RAD18: variants seen among roughly 807,000 people sequenced by gnomAD.
RAD18 encodes the protein RAD18 E3 ubiquitin protein ligase.
Under a neutral mutation model 60.4 loss-of-function variants are expected in RAD18, and 47 were observed. That is an observed-to-expected ratio of 0.78 (90% CI 0.62 to 0.99). The LOEUF is 0.99. RAD18 is among the 50% of genes least tolerant of loss of function. The pLI, the probability that RAD18 is intolerant of heterozygous loss-of-function variation, is 0.00. For missense variants in RAD18, 640 were observed against 593.3 expected (o/e 1.08, Z -0.82); for synonymous variants, 225 against 195.5 (o/e 1.15, Z -1.26).
chr3:8,926,995 A>G (rs1367327376), intron 7 of RAD18, among the ~76,000 whole-genome samples: 2 of 152,134 alleles, frequency 1.3e-5, no homozygotes, highest in Admixed American at 1.3e-4. Flanking sequence ...GGACATAGGC[A>G]TGGGCAAGGA....
At chr3:8,888,821 A>T (rs1274155792) in intron 12 of RAD18, among the ~76,000 whole-genome samples, 7 of 152,170 alleles carry the variant, frequency 4.6e-5, no homozygotes, top group Non-Finnish European at 4.4e-5. Flanking sequence ...AAAAACTGAA[A>T]TGATAGGATT....
At chr3:8,885,935 G>A (rs1360172270) in intron 12 of RAD18, among the ~76,000 whole-genome samples, 10 of 152,198 alleles carry the variant, frequency 6.6e-5, no homozygotes, top group Admixed American at 6.5e-4. Context: ...ATGGTCAGTG[G>A]TCTCTTATCA....
At chr3:8,957,154 T>C (rs1382224328) in intron 2 of RAD18, among the ~76,000 whole-genome samples, 1 of 152,154 alleles carries the variant, frequency 6.6e-6, no homozygotes, top group Admixed American at 6.5e-5. Flanking sequence ...GTCTGTGCAA[T>C]GAAAATCAAA....
At chr3:8,937,711 G>C (rs979023031) in intron 6 of RAD18, among the ~76,000 whole-genome samples, 21 of 152,214 alleles carry the variant, frequency 1.4e-4, no homozygotes, top group African/African-American at 4.8e-4. Flanking sequence ...AGAAAGGCTT[G>C]GCGGTCAAAT....
intron 4 of RAD18, among the ~76,000 whole-genome samples, chr3:8,945,688 T>G (rs1940828546): frequency 6.6e-6 from 1 of 152,030 alleles, no homozygotes; most frequent in South Asian, 2.1e-4. Context: ...GCCAGGATGG[T>G]CTCGATCTCC....
intron 11 of RAD18, among the ~76,000 whole-genome samples, chr3:8,898,443 T>C (rs1182565911): frequency 6.6e-6 from 1 of 152,042 alleles, no homozygotes; most frequent in Non-Finnish European, 1.5e-5. Flanking sequence ...TTTTAAAATA[T>C]CTTTTCAAAA....
intron 9 of RAD18, among the ~76,000 whole-genome samples, chr3:8,911,235 T>C (rs149017556): frequency 2.0e-3 from 309 of 152,338 alleles, no homozygotes; most frequent in Non-Finnish European, 3.2e-3. Flanking sequence ...GGGCAATGAA[T>C]ATTTACTTGA....
intron 4 of RAD18, among the ~76,000 whole-genome samples, chr3:8,942,909 T>C (rs1428833665): frequency 6.6e-6 from 1 of 152,176 alleles, no homozygotes; most frequent in Admixed American, 6.5e-5. Flanking sequence ...TGCTGGAAAG[T>C]TAGTTGTTCG....
intron 6 of RAD18, among the ~76,000 whole-genome samples, chr3:8,937,968 G>C (rs929690043): frequency 1.3e-5 from 2 of 152,166 alleles, no homozygotes; most frequent in Non-Finnish European, 2.9e-5. Context: ...AAATGTATTC[G>C]AACTGATGGA....
Position 8,963,466 on chromosome 3 carries a change from G to T in RAD18, c.-81C>A. The stretch of plus-strand genomic sequence containing the variant: ...ACCACTCGAAATTCCCCGCGCTACC[G>T]CATTACGTCAGCAGCCCGCGACGCG... On this transcript the variant is annotated 5_prime_UTR_variant, in exon 1 of 13. Coordinates refer to ENST00000264926, the MANE Select transcript of RAD18 (RefSeq NM_020165.4). The T allele has an allele frequency of 7.5e-7, 1 of 1,339,642 alleles. No homozygotes were observed. Among genetic ancestry groups the T allele is most frequent in the Non-Finnish European group, 1.0e-6 (1 of 972,464 alleles). 83.0% of individuals were successfully genotyped at this position (1,339,642 alleles called of 1,614,324 possible).
chr3:8,892,202 T>C (rs1221752445), intron 11 of RAD18, among the ~76,000 whole-genome samples: 2 of 152,200 alleles, frequency 1.3e-5, no homozygotes, highest in African/African-American at 4.8e-5. Flanking sequence ...CTTTAAAGTC[T>C]AGAACGAGGA....
chr3:8,933,312 G>C (rs2125063947), intron 7 of RAD18, among the ~76,000 whole-genome samples: 1 of 152,216 alleles, frequency 6.6e-6, no homozygotes, highest in East Asian at 1.9e-4. Flanking sequence ...AGGTCTTAGA[G>C]TAAAAGAGAG....
intron 3 of RAD18, among the ~76,000 whole-genome samples, chr3:8,947,817 A>G (rs189409308): frequency 4.2e-4 from 64 of 152,344 alleles, no homozygotes; most frequent in African/African-American, 1.5e-3. Context: ...TATCGTAAAG[A>G]TCTTAGACTT....
chr3:8,927,721 T>C (rs1940467573), intron 7 of RAD18, among the ~76,000 whole-genome samples: 1 of 152,330 alleles, frequency 6.6e-6, no homozygotes, highest in Non-Finnish European at 1.5e-5. Context: ...CATGGAATAC[T>C]ATGCAGCCAT....
intron 11 of RAD18, among the ~76,000 whole-genome samples, chr3:8,894,861 A>C (rs610544): frequency 6.7e-5 from 10 of 149,762 alleles, no homozygotes; most frequent in Non-Finnish European, 1.5e-4. Context: ...CCCACGTTCA[A>C]GCAATTCTGC....
At chr3:8,933,873 T>C (rs1296858010) in intron 7 of RAD18, among the ~76,000 whole-genome samples, 2 of 152,172 alleles carry the variant, frequency 1.3e-5, no homozygotes, top group Admixed American at 1.3e-4. Flanking sequence ...AAGAACTATA[T>C]TACCAGACAG....
intron 5 of RAD18, 77 bp downstream of exon 5, chr3:8,941,390 A>G: frequency 7.8e-7 from 1 of 1,286,132 alleles, no homozygotes; most frequent in Non-Finnish European, 1.1e-6. Flanking sequence ...TTCCCCCTCA[A>G]AGATGCTGCC....
At chr3:8,911,122 A>G (rs922614371) in intron 9 of RAD18, among the ~76,000 whole-genome samples, 1 of 152,264 alleles carries the variant, frequency 6.6e-6, no homozygotes, top group African/African-American at 2.4e-5. Context: ...AAGGCTAAGC[A>G]TCTAAGCTTT....
At chr3:8,901,191 G>A (rs1939906095) in intron 10 of RAD18, among the ~76,000 whole-genome samples, 3 of 152,142 alleles carry the variant, frequency 2.0e-5, no homozygotes. Context: ...CATTGATGAG[G>A]ATGTGAAGAA....
Sources: gnomAD v4.1 joint callset for allele counts (sites outside exome capture counted in the v4.1 genomes callset) on GRCh38, gnomAD v4.1.1 for gene constraint, MANE v1.5 for transcripts, NCBI Gene and HGNC (gene_info 2026-07-23, HGNC 2026-07-21) for gene names.